The following GFRA1 variants were observed in gnomAD, a reference collection of about 807,000 sequenced individuals.
GFRA1 encodes the protein GDNF family receptor alpha-1.
In GFRA1, 16 loss-of-function variants were observed where a neutral mutation model predicts 51.6. The ratio of observed to expected loss-of-function variants is 0.31; its 90% CI spans 0.21 to 0.47. The LOEUF (loss-of-function observed/expected upper bound fraction) is 0.47, where lower values mean the gene tolerates loss of function less well. Ranked by LOEUF, GFRA1 falls within the 20% of genes least tolerant of loss-of-function variation. The probability of loss-of-function intolerance (pLI) is 1.00; values close to 1 mark genes in which losing one functional copy is unlikely to be tolerated. For synonymous variants in GFRA1, 270 were observed against 241.3 expected (o/e 1.12, Z -1.10); for missense variants, 530 against 594.3 (o/e 0.89, Z 1.13).
At chr10:116,241,299 T>C (rs1354973146) in intron 4 of GFRA1, among the ~76,000 whole-genome samples, 2 of 152,168 alleles carry the variant, frequency 1.3e-5, no homozygotes, top group African/African-American at 4.8e-5. Flanking sequence ...TCCAACTATC[T>C]TGCAAGCATT....
intron 9 of GFRA1, among the ~76,000 whole-genome samples, chr10:116,087,762 G>A (rs1471107534): frequency 3.9e-5 from 6 of 152,188 alleles, no homozygotes; most frequent in African/African-American, 1.4e-4. Flanking sequence ...GAAGCAGGGT[G>A]CAGAGCACCC....
chr10:116,244,848 A>T (rs1967737249), intron 4 of GFRA1, among the ~76,000 whole-genome samples: 1 of 152,180 alleles, frequency 6.6e-6, no homozygotes, highest in East Asian at 1.9e-4. Context: ...GTATTCACAT[A>T]GGAAAAATAA....
chr10:116,062,560 A>C lies in GFRA1; in HGVS notation c.*1838T>G, dbSNP rs1200293683. The C allele has an allele frequency of 6.5e-6, 1 of 153,444 alleles. No individual in the cohort carries two copies. Among genetic ancestry groups the C allele is most frequent in the Non-Finnish European group, 1.4e-5 (1 of 68,984 alleles). 9.5% of individuals were successfully genotyped at this position (153,444 alleles called of 1,614,324 possible). ...ATTTCATAGATTTCCCCTTCCCCCCAGTGACTTATCTTACAAGGCAAACAC... is the reference window on the plus strand; with the variant it reads ...ATTTCATAGATTTCCCCTTCCCCCCCGTGACTTATCTTACAAGGCAAACAC... On this transcript the variant is annotated 3_prime_UTR_variant, in exon 11 of 11. Transcript: ENST00000355422.
intron 4 of GFRA1, among the ~76,000 whole-genome samples, chr10:116,249,661 A>G (rs999847320): frequency 2.0e-5 from 3 of 152,238 alleles, no homozygotes; most frequent in African/African-American, 4.8e-5. Context: ...CCAAATAGCT[A>G]TTTAGTAAGC....
intron 7 of GFRA1, among the ~76,000 whole-genome samples, chr10:116,094,369 T>A (rs1163663772): frequency 1.2e-4 from 19 of 152,134 alleles, no homozygotes; most frequent in Non-Finnish European, 1.5e-5. Flanking sequence ...CTAAATAAAG[T>A]CTTCCACGTA....
chr10:116,244,273 TA>T, intron 4 of GFRA1, among the ~76,000 whole-genome samples: 1 of 79,952 alleles, frequency 1.3e-5, no homozygotes, highest in Non-Finnish European at 2.4e-5. Flanking sequence ...GAATAGAAAC[TA>T]TAGAAACTTA....
chr10:116,244,115 G>T (rs1268889887), intron 4 of GFRA1, among the ~76,000 whole-genome samples: 1 of 151,642 alleles, frequency 6.6e-6, no homozygotes, highest in Non-Finnish European at 1.5e-5. Context: ...AAACACACAA[G>T]AAAAAAACAG....
At chr10:116,125,601 CTG>C (rs770948004) in intron 5 of GFRA1, 44 bp from the exon 6 acceptor site, 1 of 1,458,186 alleles carries the variant, frequency 6.9e-7, no homozygotes, top group Non-Finnish European at 9.5e-7. Flanking sequence ...GTGCTCGGCT[CTG>C]TGTTCTCACC....
At chr10:116,083,418 G>A (rs755877412) in intron 9 of GFRA1, among the ~76,000 whole-genome samples, 3 of 152,198 alleles carry the variant, frequency 2.0e-5, no homozygotes, top group African/African-American at 7.2e-5. Flanking sequence ...GAAGATTAAC[G>A]GGCCGCCAAA....
intron 4 of GFRA1, among the ~76,000 whole-genome samples, chr10:116,218,523 C>T (rs1020166545): frequency 6.6e-6 from 1 of 152,198 alleles, no homozygotes; most frequent in Non-Finnish European, 1.5e-5. Context: ...TCTCCCGGAG[C>T]ATGGCCAGAG....
intron 5 of GFRA1, among the ~76,000 whole-genome samples, chr10:116,181,706 C>T (rs886934987): frequency 6.6e-6 from 1 of 151,826 alleles, no homozygotes; most frequent in Non-Finnish European, 1.5e-5. Context: ...GGCATGATCT[C>T]GGCTCACTGC....
At chr10:116,131,985 T>A (rs1958124264) in intron 5 of GFRA1, among the ~76,000 whole-genome samples, 1 of 150,260 alleles carries the variant, frequency 6.7e-6, no homozygotes, top group African/African-American at 2.5e-5. Flanking sequence ...CGTGGGAGGA[T>A]TGCTTGAGAC....
chr10:116,196,679 A>T (rs1460327592), intron 5 of GFRA1, among the ~76,000 whole-genome samples: 6 of 41,948 alleles, frequency 1.4e-4, no homozygotes, highest in African/African-American at 2.5e-4. Context: ...TAATATATAT[A>T]ATATATAGTA....
intron 5 of GFRA1, among the ~76,000 whole-genome samples, chr10:116,160,901 T>G (rs1959702137): frequency 6.6e-6 from 1 of 152,136 alleles, no homozygotes; most frequent in South Asian, 2.1e-4. Context: ...AATTCTTAAT[T>G]CTTGGGTTAC....
intron 5 of GFRA1, among the ~76,000 whole-genome samples, chr10:116,131,399 CT>C (rs1958096897): frequency 6.6e-6 from 1 of 152,134 alleles, no homozygotes; most frequent in Non-Finnish European, 1.5e-5. Context: ...AGAAATTCTA[CT>C]TTTAGGTTTT....
chr10:116,196,845 A>AT (rs1251734343), intron 5 of GFRA1, among the ~76,000 whole-genome samples: 2,820 of 90,708 alleles, frequency 0.031, 71 homozygotes, highest in African/African-American at 0.053. Flanking sequence ...ATATATATAT[A>AT]TATTTTTTTT....
intron 9 of GFRA1, among the ~76,000 whole-genome samples, chr10:116,074,439 G>T (rs1256593167): frequency 1.3e-5 from 2 of 152,174 alleles, no homozygotes; most frequent in Admixed American, 1.3e-4. Flanking sequence ...AGGCAGCACA[G>T]AATCAACAGT....
intron 6 of GFRA1, among the ~76,000 whole-genome samples, chr10:116,099,404 A>G (rs1351046863): frequency 1.3e-5 from 2 of 152,216 alleles, no homozygotes; most frequent in Non-Finnish European, 2.9e-5. Context: ...TAAAGCATGC[A>G]TCATGTCTCC....
At chr10:116,268,217 G>A (rs141481670) in intron 4 of GFRA1, among the ~76,000 whole-genome samples, 1,760 of 152,260 alleles carry the variant, frequency 0.012, 24 homozygotes, top group Non-Finnish European at 0.019. Context: ...TTGAGTTTCA[G>A]TTCTGGTTCT....
Sources: gnomAD v4.1 joint callset for allele counts (sites outside exome capture counted in the v4.1 genomes callset) on GRCh38, gnomAD v4.1.1 for gene constraint, MANE v1.5 for transcripts, NCBI Gene and HGNC (gene_info 2026-07-23, HGNC 2026-07-21) for gene names.